Variants in ERC2 observed in about 807,000 individuals in gnomAD.
ERC2 encodes ELKS/RAB6-interacting/CAST family member 2.
In ERC2, 42 loss-of-function variants were observed where a neutral mutation model predicts 114.8. The ratio of observed to expected loss-of-function variants is 0.37; its 90% CI spans 0.29 to 0.47. ERC2 has a LOEUF of 0.47. Ranked by LOEUF, ERC2 falls within the 20% of genes least tolerant of loss-of-function variation. The pLI is 0.99. For missense variants in ERC2, 939 were observed against 1,150.7 expected, an observed-to-expected ratio of 0.82 and a Z score of 2.66; for synonymous variants, 454 against 425.5, an observed-to-expected ratio of 1.07 and a Z score of -0.82.
At chr3:56,405,955 C>A (rs1202159125) in intron 2 of ERC2, among the ~76,000 whole-genome samples, 7 of 136,008 alleles carry the variant, frequency 5.1e-5, no homozygotes, top group South Asian at 2.5e-4. Context: ...TACAGTGGCA[C>A]AATCTCGGCT....
intron 13 of ERC2, among the ~76,000 whole-genome samples, chr3:55,948,177 C>T (rs933148205): frequency 6.6e-6 from 1 of 152,162 alleles, no homozygotes; most frequent in African/African-American, 2.4e-5. Context: ...GAAGCCTGAT[C>T]CACTAGCTAT....
rs753029259 is a variant in ERC2, at chr3:56,213,279, T to C, written c.1075-39759A>G. On this transcript the variant is annotated intron_variant, in intron 3 of 17. Transcript: ENST00000288221. ...TCCCTTTCCTAGCCAAGGAAAGGGG[T>C]GACAGATGGCACCTGGAAAACTGGG... Among the ~76,000 whole-genome samples the C allele has an allele frequency of 3.4e-4, 51 of 151,982 alleles. 1 individual carries two copies. Among genetic ancestry groups the C allele is most frequent in the Non-Finnish European group, 4.4e-5 (3 of 68,006 alleles).
intron 3 of ERC2, among the ~76,000 whole-genome samples, chr3:56,236,179 ATC>A (rs2050931094): frequency 6.6e-6 from 1 of 152,144 alleles, no homozygotes; most frequent in African/African-American, 2.4e-5. Context: ...AGCTCACTTC[ATC>A]TCTCCTTATT....
At chr3:55,798,035 T>C (rs1575628350) in intron 14 of ERC2, among the ~76,000 whole-genome samples, 1 of 151,910 alleles carries the variant, frequency 6.6e-6, no homozygotes, top group East Asian at 1.9e-4. Flanking sequence ...CTCACAGAGA[T>C]CAGGGGAGGG....
chr3:56,005,326 A>G (rs1200281883), intron 10 of ERC2, among the ~76,000 whole-genome samples: 1 of 152,064 alleles, frequency 6.6e-6, no homozygotes, highest in Non-Finnish European at 1.5e-5. Context: ...TACAATGTTT[A>G]CAGGATTTGG....
In ERC2 at chr3:56,434,820, T is replaced by TA; in HGVS notation, c.187dup (p.Tyr63LeufsTer4). The TA allele has an allele frequency of 6.2e-7, 1 of 1,613,914 alleles. No homozygotes were observed. The highest frequency in any genetic ancestry group is 8.5e-7 in the Non-Finnish European group (1 of 1,179,874). ...AGCCACCCCTTCATGATCACTCAGATACATGGGTCCAGACGTAGCATAGGC... is the reference window on the plus strand; with the variant it reads ...AGCCACCCCTTCATGATCACTCAGATAACATGGGTCCAGACGTAGCATAGGC... On this transcript the variant is annotated frameshift_variant, in exon 2 of 18. Transcript: ENST00000288221. LOFTEE classifies it high-confidence loss of function.
chr3:56,212,355 T>A (rs1302791658), intron 3 of ERC2, among the ~76,000 whole-genome samples: 1 of 151,998 alleles, frequency 6.6e-6, no homozygotes, highest in African/African-American at 2.4e-5. Flanking sequence ...TGAAAAAAAT[T>A]CTCAATATCA....
intron 2 of ERC2, among the ~76,000 whole-genome samples, chr3:56,352,513 T>C (rs2150530162): frequency 6.6e-6 from 1 of 152,178 alleles, no homozygotes; most frequent in East Asian, 1.9e-4. Context: ...GAATTTAAAG[T>C]GTCTTTGTCT....
intron 3 of ERC2, among the ~76,000 whole-genome samples, chr3:56,196,646 G>T (rs1384206395): frequency 6.6e-6 from 1 of 152,066 alleles, no homozygotes; most frequent in East Asian, 1.9e-4. Flanking sequence ...AACTACAGTG[G>T]TATAATTTTC....
intron 3 of ERC2, among the ~76,000 whole-genome samples, chr3:56,233,002 T>C (rs1165161922): frequency 6.6e-6 from 1 of 152,216 alleles, no homozygotes; most frequent in African/African-American, 2.4e-5. Flanking sequence ...GGCACTTTCT[T>C]TTTATAACAC....
chr3:55,638,856 A>G (rs1159253216), intron 17 of ERC2, among the ~76,000 whole-genome samples: 1 of 151,852 alleles, frequency 6.6e-6, no homozygotes, highest in Non-Finnish European at 1.5e-5. Flanking sequence ...ACTACATTAG[A>G]ATAGTATTAT....
chr3:55,535,262 T>C (rs760225159), intron 17 of ERC2, among the ~76,000 whole-genome samples: 4 of 152,188 alleles, frequency 2.6e-5, no homozygotes, highest in Admixed American at 6.5e-5. Flanking sequence ...CTCTGGAATA[T>C]TGGAAAGCAG....
chr3:55,920,108 T>C (rs1179081661), intron 13 of ERC2, among the ~76,000 whole-genome samples: 1 of 152,126 alleles, frequency 6.6e-6, no homozygotes, highest in Non-Finnish European at 1.5e-5. Flanking sequence ...GGATGCACAT[T>C]ACATTTTGGA....
At chr3:56,289,005 A>G (rs2054907108) in intron 3 of ERC2, among the ~76,000 whole-genome samples, 1 of 152,214 alleles carries the variant, frequency 6.6e-6, no homozygotes, top group African/African-American at 2.4e-5. Flanking sequence ...AAAAAAATAA[A>G]TAAAACTGAG....
chr3:55,934,958 G>C (rs1345731986), intron 13 of ERC2, among the ~76,000 whole-genome samples: 2 of 152,198 alleles, frequency 1.3e-5, no homozygotes, highest in East Asian at 3.8e-4. Context: ...ATGCCAGACT[G>C]TTCCCATCTC....
At chr3:56,134,142 G>T (rs545128368) in intron 6 of ERC2, among the ~76,000 whole-genome samples, 1 of 152,288 alleles carries the variant, frequency 6.6e-6, no homozygotes, top group East Asian at 1.9e-4. Flanking sequence ...AATTATAAGA[G>T]ATACAAATAG....
intron 3 of ERC2, among the ~76,000 whole-genome samples, chr3:56,213,410 G>T (rs144213477): frequency 6.6e-6 from 1 of 152,164 alleles, no homozygotes; most frequent in Non-Finnish European, 1.5e-5. Context: ...ACGGAGCCTC[G>T]CTCATTGCTA....
intron 15 of ERC2, among the ~76,000 whole-genome samples, chr3:55,721,460 G>A (rs759710844): frequency 6.6e-6 from 1 of 152,250 alleles, no homozygotes; most frequent in African/African-American, 2.4e-5. Flanking sequence ...AGTACTTAAC[G>A]TACTATGTGT....
intron 15 of ERC2, among the ~76,000 whole-genome samples, chr3:55,721,384 T>C (rs2064539101): frequency 6.6e-6 from 1 of 152,264 alleles, no homozygotes; most frequent in South Asian, 2.1e-4. Flanking sequence ...TCTACTCAAC[T>C]GTAGGCTCTG....
Sources: gnomAD v4.1 joint callset for allele counts (sites outside exome capture counted in the v4.1 genomes callset) on GRCh38, gnomAD v4.1.1 for gene constraint, MANE v1.5 for transcripts, NCBI Gene and HGNC (gene_info 2026-07-23, HGNC 2026-07-21) for gene names.